The following AGBL1 variants were observed in gnomAD, a reference collection of about 807,000 sequenced individuals.
The protein encoded by AGBL1 is AGBL carboxypeptidase 1.
Under a neutral mutation model 118.9 loss-of-function variants are expected in AGBL1, and 130 were observed. The observed-to-expected ratio is 1.09, with a 90% CI of 0.95 to 1.26. The LOEUF (loss-of-function observed/expected upper bound fraction) is 1.26. AGBL1 is among the 50% of genes most tolerant of loss of function. The pLI is 0.00. For synonymous variants in AGBL1, 555 were observed against 478.9 expected (o/e 1.16, Z -2.08); for missense variants, 1,584 against 1,298.1 (o/e 1.22, Z -3.38).
chr15:86,807,487 T>A (rs918658671), intron 22 of AGBL1, among the ~76,000 whole-genome samples: 1 of 152,116 alleles, frequency 6.6e-6, no homozygotes, highest in African/African-American at 2.4e-5. Context: ...AGAACTTTTT[T>A]TTTTTGCTGT....
chr15:86,187,310 A>G (rs2077647747), intron 5 of AGBL1, among the ~76,000 whole-genome samples: 1 of 152,200 alleles, frequency 6.6e-6, no homozygotes, highest in African/African-American at 2.4e-5. Flanking sequence ...GAAATTCCAA[A>G]ATACAACACA....
intron 6 of AGBL1, among the ~76,000 whole-genome samples, chr15:86,237,859 A>T (rs2078578091): frequency 1.3e-5 from 2 of 152,092 alleles, no homozygotes; most frequent in African/African-American, 2.4e-5. Flanking sequence ...ACACATCCTG[A>T]TCCCTGCTCA....
chr15:86,213,947 A>G (rs1469306683), intron 5 of AGBL1, among the ~76,000 whole-genome samples: 1 of 152,126 alleles, frequency 6.6e-6, no homozygotes, highest in Non-Finnish European at 1.5e-5. Context: ...CCTGGTAACC[A>G]CTGATCTACT....
intron 1 of AGBL1, among the ~76,000 whole-genome samples, chr15:86,106,570 C>G (rs1597398921): frequency 2.0e-5 from 3 of 152,208 alleles, no homozygotes; most frequent in Non-Finnish European, 4.4e-5. Context: ...GACTAAACAT[C>G]TTGCGACACT....
intron 22 of AGBL1, among the ~76,000 whole-genome samples, chr15:86,706,185 AT>A (rs1221146994): frequency 6.6e-6 from 1 of 152,096 alleles, no homozygotes; most frequent in Non-Finnish European, 1.5e-5. Flanking sequence ...TATATTATAT[AT>A]GTCATAGTTT....
chr15:86,321,672 G>C (rs2080107486), intron 17 of AGBL1, among the ~76,000 whole-genome samples: 1 of 151,942 alleles, frequency 6.6e-6, no homozygotes, highest in Admixed American at 6.6e-5. Flanking sequence ...AGATACTTGG[G>C]AGGCTGAGTC....
At chr15:86,370,507 C>T (rs2080956755) in intron 17 of AGBL1, among the ~76,000 whole-genome samples, 1 of 152,082 alleles carries the variant, frequency 6.6e-6, no homozygotes, top group East Asian at 1.9e-4. Flanking sequence ...TGTGGCCAGG[C>T]TGGTCTTGAA....
At chr15:86,789,692 C>T (rs543913324) in intron 22 of AGBL1, among the ~76,000 whole-genome samples, 56 of 152,212 alleles carry the variant, frequency 3.7e-4, no homozygotes, top group African/African-American at 1.3e-3. Context: ...GTTTGAAACA[C>T]GTGTAAGTTT....
chr15:86,522,792 T>A lies in AGBL1; in HGVS notation c.2556-18T>A. The A allele has an allele frequency of 6.2e-7, 1 of 1,612,548 alleles. No homozygotes were observed. Among genetic ancestry groups the A allele is most frequent in the Non-Finnish European group, 8.5e-7 (1 of 1,178,868 alleles). On this transcript the variant is annotated intron_variant, in intron 18 of 22. Transcript: ENST00000614907. ...TCTTCTGAATGTGTATTTATTTGCT[T>A]ATTATTTGTTCCTGTAGCCACAGAT... is the stretch of plus-strand genomic sequence containing the variant.
chr15:86,765,502 G>A (rs1241605905), intron 22 of AGBL1, among the ~76,000 whole-genome samples: 1 of 151,886 alleles, frequency 6.6e-6, no homozygotes, highest in Non-Finnish European at 1.5e-5. Flanking sequence ...ACACATCGTG[G>A]AGAAAGGAGC....
rs1048504917 is a variant in AGBL1, at chr15:86,495,084, C to T, written c.2556-27726C>T. Among the ~76,000 whole-genome samples, 25 of 117,250 alleles carry T rather than the reference C, an allele frequency of 2.1e-4. 1 individual carries two copies. The highest frequency in any genetic ancestry group is 5.0e-4 in the Admixed American group (6 of 12,066). 76.9% of individuals were successfully genotyped at this position (117,250 alleles called of 152,430 possible). A position where few individuals can be genotyped will look rare whatever the true frequency, so the allele number is the denominator to read the frequency against. ...CATCAGTTTTACCTGCCCCCTAGTG[C>T]GCTCCGTCTGTCTCGCTCACTCTCT... On this transcript the variant is annotated intron_variant, in intron 18 of 22. Transcript: ENST00000614907.
intron 22 of AGBL1, among the ~76,000 whole-genome samples, chr15:86,855,553 G>C (rs2079466679): frequency 6.6e-6 from 1 of 152,168 alleles, no homozygotes; most frequent in Non-Finnish European, 1.5e-5. Flanking sequence ...GCAGATTTCA[G>C]TATCCCCAGC....
At chr15:86,183,268 T>C (rs888228738) in intron 5 of AGBL1, among the ~76,000 whole-genome samples, 2 of 152,196 alleles carry the variant, frequency 1.3e-5, no homozygotes, top group Admixed American at 6.5e-5. Flanking sequence ...TTCTAAAGGG[T>C]AAATAACACA....
At chr15:86,166,897 C>T (rs969344910) in intron 5 of AGBL1, among the ~76,000 whole-genome samples, 17 of 152,128 alleles carry the variant, frequency 1.1e-4, no homozygotes, top group East Asian at 1.9e-4. Context: ...CCCCTGATGA[C>T]GGTCCTCTAC....
At chr15:86,446,504 T>G (rs1226697935) in intron 18 of AGBL1, among the ~76,000 whole-genome samples, 1 of 152,228 alleles carries the variant, frequency 6.6e-6, no homozygotes, top group African/African-American at 2.4e-5. Flanking sequence ...TTCTTAGCAC[T>G]TCATCCTTCT....
intron 22 of AGBL1, among the ~76,000 whole-genome samples, chr15:86,905,542 G>C (rs2080270122): frequency 6.6e-6 from 1 of 152,154 alleles, no homozygotes; most frequent in South Asian, 2.1e-4. Flanking sequence ...AGAATCAACA[G>C]CACAGCAATG....
intron 14 of AGBL1, among the ~76,000 whole-genome samples, chr15:86,270,504 A>G (rs12898990): frequency 0.74 from 111,909 of 152,114 alleles, 42,224 homozygotes; most frequent in African/African-American, 0.9. Flanking sequence ...ACCCGTGGCC[A>G]TTTTGGAGGA....
At chr15:86,460,227 A>G (rs2082314634) in intron 18 of AGBL1, among the ~76,000 whole-genome samples, 1 of 144,928 alleles carries the variant, frequency 6.9e-6, no homozygotes, top group Non-Finnish European at 1.5e-5. Flanking sequence ...CACACCTATC[A>G]TCTCAGCACT....
chr15:86,361,090 C>T (rs2080798563), intron 17 of AGBL1, among the ~76,000 whole-genome samples: 1 of 151,762 alleles, frequency 6.6e-6, no homozygotes, highest in Admixed American at 6.6e-5. Flanking sequence ...ATAATGTAGA[C>T]ATTTATAGCT....
Sources: gnomAD v4.1 joint callset for allele counts (sites outside exome capture counted in the v4.1 genomes callset) on GRCh38, gnomAD v4.1.1 for gene constraint, MANE v1.5 for transcripts, NCBI Gene and HGNC (gene_info 2026-07-23, HGNC 2026-07-21) for gene names.